The following DISP1 variants were observed in gnomAD, a reference collection of about 807,000 sequenced individuals.
DISP1 encodes the protein dispatched RND transporter family member 1.
Under a neutral mutation model 37.3 loss-of-function variants are expected in DISP1, and 30 were observed. The ratio of observed to expected loss-of-function variants is 0.80; its 90% CI spans 0.60 to 1.09. The LOEUF is 1.09. DISP1 is among the 50% of genes least tolerant of loss of function. The pLI is 0.00. For missense variants in DISP1, 1,598 were observed against 1,879.5 expected, an observed-to-expected ratio of 0.85 and a Z score of 2.77; for synonymous variants, 634 against 690.2, an observed-to-expected ratio of 0.92 and a Z score of 1.28.
intron 2 of DISP1, among the ~76,000 whole-genome samples, chr1:222,932,618 A>G (rs1391783165): frequency 7.2e-5 from 11 of 151,982 alleles, no homozygotes; most frequent in Admixed American, 7.2e-4. Context: ...TTAGGGTTCA[A>G]AAGAAATTAG....
At chr1:222,985,384 G>T (rs547244938) in intron 4 of DISP1, among the ~76,000 whole-genome samples, 1 of 152,228 alleles carries the variant, frequency 6.6e-6, no homozygotes, top group Non-Finnish European at 1.5e-5. Context: ...GGGCACAGTG[G>T]CTCACGCCTA....
At chr1:222,970,296 C>A (rs1676838886) in intron 3 of DISP1, among the ~76,000 whole-genome samples, 1 of 152,142 alleles carries the variant, frequency 6.6e-6, no homozygotes. Flanking sequence ...ATGGAGAATT[C>A]TGCTCTGTCT....
chr1:222,897,319 G>A (rs1285146388), intron 1 of DISP1, among the ~76,000 whole-genome samples: 2 of 152,130 alleles, frequency 1.3e-5, no homozygotes, highest in Non-Finnish European at 2.9e-5. Context: ...GGGATATAGT[G>A]GGGTGATTAA....
intron 4 of DISP1, among the ~76,000 whole-genome samples, chr1:222,984,508 CAT>C (rs1454142163): frequency 1.5e-4 from 21 of 139,116 alleles, no homozygotes; most frequent in East Asian, 8.3e-4. Context: ...TTATATATAA[CAT>C]AGGTTTATAT....
chr1:222,827,473 GC>G (rs1664721108), intron 1 of DISP1: 1 of 152,062 alleles, frequency 6.6e-6, no homozygotes, highest in Non-Finnish European at 1.5e-5. Flanking sequence ...GACTTACTAA[GC>G]TTTTACTGAA....
chr1:222,864,845 T>C (rs1247186675), intron 1 of DISP1, among the ~76,000 whole-genome samples: 4 of 152,300 alleles, frequency 2.6e-5, no homozygotes, highest in Non-Finnish European at 5.9e-5. Context: ...GAAGGTAACT[T>C]ATGAGCAAAT....
chr1:222,967,027 C>T (rs946987002), intron 3 of DISP1, among the ~76,000 whole-genome samples: 2 of 152,104 alleles, frequency 1.3e-5, no homozygotes, highest in Non-Finnish European at 2.9e-5. Flanking sequence ...CAGGTCTGCT[C>T]TTACTAGAGA....
chr1:222,900,443 TTGA>T (rs1671516061), intron 1 of DISP1, among the ~76,000 whole-genome samples: 1 of 152,208 alleles, frequency 6.6e-6, no homozygotes, highest in African/African-American at 2.4e-5. Flanking sequence ...GAAAATCCAG[TTGA>T]TGAGTAGTTT....
At chr1:222,883,597 C>G (rs1246641454) in intron 1 of DISP1, among the ~76,000 whole-genome samples, 1 of 152,184 alleles carries the variant, frequency 6.6e-6, no homozygotes, top group Non-Finnish European at 1.5e-5. Flanking sequence ...AGCCTGGCGA[C>G]AGAGCGAGAC....
intron 4 of DISP1, among the ~76,000 whole-genome samples, chr1:222,988,695 C>G (rs1189517123): frequency 2.1e-4 from 31 of 148,408 alleles, no homozygotes; most frequent in Non-Finnish European, 1.8e-4. Flanking sequence ...TGTTGCTCAC[C>G]CAGGCTGGAG....
chr1:222,988,933 G>A (rs1423190133), intron 4 of DISP1, among the ~76,000 whole-genome samples: 2 of 152,184 alleles, frequency 1.3e-5, no homozygotes, highest in African/African-American at 2.4e-5. Context: ...GATTACAGGC[G>A]TGAGCCACTG....
chr1:222,949,685 G>A (rs1675067105), intron 3 of DISP1, among the ~76,000 whole-genome samples: 1 of 152,074 alleles, frequency 6.6e-6, no homozygotes, highest in East Asian at 1.9e-4. Flanking sequence ...GGAGTGCAGT[G>A]GCACGATCTC....
chr1:222,856,291 C>T (rs2125318060), intron 1 of DISP1, among the ~76,000 whole-genome samples: 1 of 152,276 alleles, frequency 6.6e-6, no homozygotes, highest in Admixed American at 6.5e-5. Context: ...CTAATAGTTC[C>T]AGGCTGTGTT....
intron 8 of DISP1, among the ~76,000 whole-genome samples, chr1:223,000,128 G>A (rs1679332440): frequency 6.6e-6 from 1 of 152,116 alleles, no homozygotes; most frequent in Non-Finnish European, 1.5e-5. Flanking sequence ...TTTGGCATTT[G>A]GTTATTTCAG....
intron 1 of DISP1, chr1:222,837,359 G>C (rs965789238): frequency 3.1e-6 from 1 of 322,360 alleles, no homozygotes; most frequent in African/African-American, 2.1e-5. Context: ...TTATGTGAGA[G>C]AGAAATAAAC....
At chr1:222,994,057 G>A (rs766111212) in intron 7 of DISP1, among the ~76,000 whole-genome samples, 9 of 151,994 alleles carry the variant, frequency 5.9e-5, no homozygotes, top group Admixed American at 2.0e-4. Context: ...TCTTTAATAC[G>A]TGGTTCATAT....
At chr1:222,941,026 T>C (rs1194017236) in intron 2 of DISP1, among the ~76,000 whole-genome samples, 6 of 152,256 alleles carry the variant, frequency 3.9e-5, no homozygotes, top group Non-Finnish European at 7.3e-5. Flanking sequence ...CCTTTGCATA[T>C]GGCTTTTTCT....
intron 1 of DISP1, among the ~76,000 whole-genome samples, chr1:222,851,061 ATTTTTT>A (rs971721526): frequency 2.4e-5 from 3 of 127,358 alleles, no homozygotes; most frequent in East Asian, 2.2e-4. Flanking sequence ...TGCATTTTTA[ATTTTTT>A]TTTTTTTTTT....
chr1:222,902,652 A>G (rs1211551691), intron 1 of DISP1, among the ~76,000 whole-genome samples: 2 of 152,204 alleles, frequency 1.3e-5, no homozygotes, highest in Non-Finnish European at 2.9e-5. Context: ...ATATGAACAG[A>G]CACTTCTCAA....
Sources: allele counts gnomAD v4.1 joint callset (sites outside exome capture counted in the v4.1 genomes callset), GRCh38; gene constraint gnomAD v4.1.1; transcripts MANE v1.5; gene names NCBI Gene and HGNC (gene_info 2026-07-23, HGNC 2026-07-21).